The following PCDHA4 variants were observed in gnomAD, a reference collection of about 807,000 sequenced individuals.
The protein encoded by PCDHA4 is protocadherin alpha-4.
PCDHA4 carries 49 observed loss-of-function variants against 61.4 expected under a neutral mutation model. The observed-to-expected ratio is 0.80, with a 90% CI of 0.63 to 1.01. PCDHA4 has a LOEUF of 1.01. PCDHA4 is among the 50% of genes least tolerant of loss of function. PCDHA4 has a pLI of 0.00. For missense variants in PCDHA4, 1,254 were observed against 1,235.8 expected, an observed-to-expected ratio of 1.01 and a Z score of -0.22; for synonymous variants, 590 against 550.3, an observed-to-expected ratio of 1.07 and a Z score of -1.01.
chr5:141,007,517 G>A (rs2098333696), intron 3 of PCDHA4, among the ~76,000 whole-genome samples: 1 of 151,984 alleles, frequency 6.6e-6, no homozygotes, highest in African/African-American at 2.4e-5. Flanking sequence ...GCAGTGAGCT[G>A]ATATCTCGCC....
intron 1 of PCDHA4, chr5:140,869,568 G>C (rs1554163237): frequency 6.2e-7 from 1 of 1,614,168 alleles, no homozygotes; most frequent in East Asian, 2.2e-5. Context: ...TTCCACTAGA[G>C]GGAGCTTCTG....
intron 3 of PCDHA4, among the ~76,000 whole-genome samples, chr5:140,994,140 A>G (rs768317904): frequency 7.2e-5 from 11 of 152,230 alleles, no homozygotes; most frequent in Non-Finnish European, 1.5e-4. Context: ...ATAATGCCCT[A>G]CGTAGGTAGG....
At chr5:140,986,508 G>T (rs1043049646) in intron 3 of PCDHA4, among the ~76,000 whole-genome samples, 26 of 152,184 alleles carry the variant, frequency 1.7e-4, no homozygotes, top group African/African-American at 5.3e-4. Context: ...TAAAAGGACT[G>T]CCCCTGCCTG....
intron 1 of PCDHA4, chr5:140,862,299 T>C: frequency 3.7e-6 from 1 of 273,624 alleles, no homozygotes; most frequent in Non-Finnish European, 7.2e-6. Flanking sequence ...GACGCTCCAC[T>C]GGGTACCGTC....
intron 1 of PCDHA4, chr5:140,967,461 G>A (rs782466677): frequency 6.8e-6 from 11 of 1,613,572 alleles, no homozygotes; most frequent in Non-Finnish European, 8.5e-6. Context: ...GCCGTGGATG[G>A]GGGCATCCCA....
intron 1 of PCDHA4, among the ~76,000 whole-genome samples, chr5:140,943,121 G>A (rs1225385839): frequency 3.3e-5 from 5 of 151,916 alleles, no homozygotes; most frequent in African/African-American, 4.8e-5. Flanking sequence ...AGCCAGGTGT[G>A]GTAGTGGGTG....
At chr5:140,896,000 AG>A (rs1239259521) in intron 1 of PCDHA4, among the ~76,000 whole-genome samples, 1 of 152,064 alleles carries the variant, frequency 6.6e-6, no homozygotes, top group Non-Finnish European at 1.5e-5. Flanking sequence ...AAGTAGAGAC[AG>A]GGTTTCTCCA....
At position 140,876,514 on chromosome 5, in the gene PCDHA4, C is replaced by T. The variant is rs782076196; in HGVS notation, c.2385+66942C>T. ...AGTTCTGGACGTGAATGACAATGTC[C>T]CTGAAGTAATGGTTACTTCACTGTC... On this transcript the variant is annotated intron_variant, in intron 1 of 3. Coordinates refer to ENST00000530339, the MANE Select transcript of PCDHA4 (RefSeq NM_018907.4). 2.5e-6 allele frequency: 4 copies of T among 1,614,026 alleles called. No homozygotes were observed. In the Admixed American group the frequency reaches 6.7e-5, roughly 27 times the overall value.
Position 140,822,688 on chromosome 5 carries a change from G to C in PCDHA4, c.2385+13116G>C. 3.1e-6 allele frequency: 5 copies of C among 1,609,258 alleles called. No individual in the cohort carries two copies. In the South Asian group the frequency reaches 3.3e-5, roughly 11 times the overall value. ...TAATACTGGTGAAATAAAAGTTAAC[G>C]GGGAACTGGATTATGAAGACTATAA... On this transcript the variant is annotated intron_variant, in intron 1 of 3. Coordinates refer to ENST00000530339, the MANE Select transcript of PCDHA4 (RefSeq NM_018907.4).
At chr5:140,970,252 T>A (rs2096392828) in intron 1 of PCDHA4, among the ~76,000 whole-genome samples, 1 of 152,234 alleles carries the variant, frequency 6.6e-6, no homozygotes, top group Non-Finnish European at 1.5e-5. Context: ...GTTGACAGTT[T>A]CTATGGTTTT....
At chr5:140,856,326 A>G in intron 1 of PCDHA4, 1 of 1,598,548 alleles carries the variant, frequency 6.3e-7, no homozygotes, top group Non-Finnish European at 8.6e-7. Context: ...GACCGCGAGG[A>G]GCTGTGCGGG....
intron 1 of PCDHA4, chr5:140,829,370 G>T (rs1770253952): frequency 1.2e-6 from 2 of 1,614,088 alleles, no homozygotes; most frequent in African/African-American, 1.3e-5. Context: ...GGTGGTAACC[G>T]CGCGGGACGG....
At chr5:140,921,428 T>G (rs1291283426) in intron 1 of PCDHA4, among the ~76,000 whole-genome samples, 1 of 152,190 alleles carries the variant, frequency 6.6e-6, no homozygotes, top group Non-Finnish European at 1.5e-5. Context: ...GACAAAAATT[T>G]TCTTCAATGG....
chr5:140,967,842 A>G (rs1239466478), intron 1 of PCDHA4: 1 of 1,614,042 alleles, frequency 6.2e-7, no homozygotes, highest in Non-Finnish European at 8.5e-7. Flanking sequence ...GTGGACGTGA[A>G]TGACAATGCC....
rs116346509 is a variant in PCDHA4 at position 140,904,582 on chromosome 5, G to A, written c.2386-74367G>A. ...TTTTTTTCCTCTGGGTAGACACCCA[G>A]TAGTGGGACTGCTGGATCAAATAGT... On this transcript the variant is annotated intron_variant, in intron 1 of 3. Transcript: ENST00000530339. Among the ~76,000 whole-genome samples, 650 of 152,092 alleles carry A rather than the reference G, an allele frequency of 4.3e-3. 5 individuals are homozygous for A. The highest frequency in any genetic ancestry group is 5.5e-3 in the Non-Finnish European group (373 of 67,986).
chr5:140,915,252 GTTA>G (rs1291041483), intron 1 of PCDHA4, among the ~76,000 whole-genome samples: 2 of 152,012 alleles, frequency 1.3e-5, no homozygotes, highest in African/African-American at 4.8e-5. Flanking sequence ...TGGCCAGGTT[GTTA>G]TTATTTTTGA....
Position 140,870,321 on chromosome 5 carries a change from G to C in PCDHA4, c.2385+60749G>C, listed in dbSNP as rs1554164064. The C allele has an allele frequency of 1.9e-6, 3 of 1,614,222 alleles. No individual in the cohort carries two copies. In the Admixed American group the frequency reaches 5.0e-5, roughly 27 times the overall value. On this transcript the variant is annotated intron_variant, in intron 1 of 3. Transcript: ENST00000530339. Reference sequence around the variant, plus strand: ...CCACCTTCAAGAATTACTACTCGTTGGTGCTGGACAGCGCCCTGGACCGCG... The same window carrying C: ...CCACCTTCAAGAATTACTACTCGTTCGTGCTGGACAGCGCCCTGGACCGCG...
intron 1 of PCDHA4, chr5:140,862,565 A>G: frequency 2.1e-6 from 1 of 478,016 alleles, no homozygotes; most frequent in Non-Finnish European, 4.3e-6. Context: ...GTGAACCACA[A>G]TGCCCTGGCG....
At chr5:140,829,722 C>A (rs2150173408) in intron 1 of PCDHA4, 4 of 1,613,622 alleles carry the variant, frequency 2.5e-6, no homozygotes, top group Non-Finnish European at 2.5e-6. Flanking sequence ...GGCGTGCCGC[C>A]TCTGGGCAGC....
Sources: allele counts gnomAD v4.1 joint callset (sites outside exome capture counted in the v4.1 genomes callset), GRCh38; gene constraint gnomAD v4.1.1; transcripts MANE v1.5; gene names NCBI Gene and HGNC (gene_info 2026-07-23, HGNC 2026-07-21).